The following PPFIA2 variants were observed in gnomAD, a reference collection of about 807,000 sequenced individuals.
PPFIA2 encodes the protein liprin-alpha-2.
In PPFIA2, 46 loss-of-function variants were observed where a neutral mutation model predicts 175.5. The observed-to-expected ratio is 0.26, with a 90% CI of 0.21 to 0.34. The LOEUF is 0.34. Among genes scored for constraint, PPFIA2 ranks in the 10% least tolerant of loss-of-function variants. The pLI, the probability that PPFIA2 is intolerant of heterozygous loss-of-function variation, is 1.00. For missense variants in PPFIA2, 1,179 were observed against 1,506.1 expected (o/e 0.78, Z 3.60); for synonymous variants, 568 against 511.4 (o/e 1.11, Z -1.49).
chr12:81,690,513 C>T (rs1218847785), intron 3 of PPFIA2, among the ~76,000 whole-genome samples: 1 of 152,066 alleles, frequency 6.6e-6, no homozygotes, highest in Non-Finnish European at 1.5e-5. Flanking sequence ...TCCCCCAACA[C>T]ACAGAGGTGA....
intron 28 of PPFIA2, among the ~76,000 whole-genome samples, chr12:81,273,498 T>C (rs1047596135): frequency 3.9e-5 from 6 of 152,218 alleles, no homozygotes; most frequent in Non-Finnish European, 8.8e-5. Flanking sequence ...TATTGATTTA[T>C]CTATCCTTTC....
At chr12:81,555,652 T>C (rs1206767483) in intron 4 of PPFIA2, among the ~76,000 whole-genome samples, 1 of 151,952 alleles carries the variant, frequency 6.6e-6, no homozygotes, top group Non-Finnish European at 1.5e-5. Flanking sequence ...CACAAAAAAT[T>C]ACAATTTCTT....
chr12:81,376,734 G>A (rs1449236804), intron 9 of PPFIA2, among the ~76,000 whole-genome samples: 1 of 152,158 alleles, frequency 6.6e-6, no homozygotes, highest in African/African-American at 2.4e-5. Flanking sequence ...AAGTGCAGAA[G>A]TGAGGCTCAT....
intron 5 of PPFIA2, among the ~76,000 whole-genome samples, chr12:81,450,836 A>G (rs985768652): frequency 6.6e-6 from 1 of 152,196 alleles, no homozygotes; most frequent in Non-Finnish European, 1.5e-5. Flanking sequence ...GAAGGGATCC[A>G]GTTTCAGCTT....
At chr12:81,455,300 C>A (rs1411782786) in intron 5 of PPFIA2, among the ~76,000 whole-genome samples, 2 of 152,090 alleles carry the variant, frequency 1.3e-5, no homozygotes, top group African/African-American at 2.4e-5. Flanking sequence ...GGTTATGTAA[C>A]TTAAGGAGTT....
At chr12:81,728,622 T>C (rs938150271) in intron 3 of PPFIA2, among the ~76,000 whole-genome samples, 11 of 151,470 alleles carry the variant, frequency 7.3e-5, no homozygotes, top group Admixed American at 6.6e-5. Flanking sequence ...GTATTTCCTA[T>C]AGATTACAAT....
At chr12:81,496,862 A>G (rs2060080783) in intron 4 of PPFIA2, among the ~76,000 whole-genome samples, 3 of 152,210 alleles carry the variant, frequency 2.0e-5, no homozygotes, top group African/African-American at 7.2e-5. Context: ...AGGCATAAAA[A>G]TAAATCTGAG....
In PPFIA2 at chr12:81,358,176, C is replaced by T. The variant is rs759264134; in HGVS notation, c.1679G>A (p.Gly560Glu). ...DTSAELRYSV[G>E]SLVDSQSDYR... is the part of the protein sequence containing the mutation. Reference sequence around the variant, plus strand: ...ATCAGACTGGCTGTCCACTAGGGATCCCACTGAGTACCGCAACTCAGCTGA... The same window carrying T: ...ATCAGACTGGCTGTCCACTAGGGATTCCACTGAGTACCGCAACTCAGCTGA... The change falls in exon 16 of 33, where the codon GGA (glycine) becomes GAA (glutamate). Residue 560 changes from glycine (G) to glutamate (E), a missense_variant. Physicochemically the swap from Gly to Glu is moderately conservative, Grantham distance 98 (BLOSUM62 -2). Coordinates refer to ENST00000549396, the MANE Select transcript of PPFIA2 (RefSeq NM_003625.5). 1.3e-6 allele frequency: 2 copies of T among 1,595,044 alleles called. No homozygotes were observed. Among genetic ancestry groups the T allele is most frequent in the Admixed American group, 1.7e-5 (1 of 57,834 alleles).
chr12:81,456,906 G>A (rs546526339), intron 5 of PPFIA2, among the ~76,000 whole-genome samples: 25 of 151,924 alleles, frequency 1.6e-4, no homozygotes, highest in African/African-American at 5.5e-4. Context: ...CATTCCCTTG[G>A]AAATTTATTA....
intron 30 of PPFIA2, among the ~76,000 whole-genome samples, chr12:81,264,249 A>T (rs1254593229): frequency 1.3e-5 from 2 of 152,200 alleles, no homozygotes; most frequent in East Asian, 3.9e-4. Flanking sequence ...TTACATTTTA[A>T]TTCTGGTTGC....
chr12:81,440,551 T>A (rs2145013159), intron 6 of PPFIA2, among the ~76,000 whole-genome samples: 1 of 152,248 alleles, frequency 6.6e-6, no homozygotes, highest in East Asian at 1.9e-4. Context: ...TTCGCTTCTC[T>A]GTTTTTTATT....
intron 4 of PPFIA2, among the ~76,000 whole-genome samples, chr12:81,503,974 G>T (rs2060865709): frequency 6.6e-6 from 1 of 151,834 alleles, no homozygotes; most frequent in Non-Finnish European, 1.5e-5. Context: ...AATTTAATTT[G>T]AGCAAAACAA....
chr12:81,518,665 T>A (rs2062753366), intron 4 of PPFIA2, among the ~76,000 whole-genome samples: 1 of 152,154 alleles, frequency 6.6e-6, no homozygotes, highest in Admixed American at 6.6e-5. Flanking sequence ...TCCACAGAAC[T>A]CCCTACAAAC....
At chr12:81,533,867 G>T (rs953025533) in intron 4 of PPFIA2, among the ~76,000 whole-genome samples, 2 of 150,858 alleles carry the variant, frequency 1.3e-5, no homozygotes, top group Non-Finnish European at 3.0e-5. Flanking sequence ...TAGTAAATTT[G>T]CACAATAATA....
At chr12:81,679,218 T>C (rs2073140165) in intron 3 of PPFIA2, among the ~76,000 whole-genome samples, 1 of 151,918 alleles carries the variant, frequency 6.6e-6, no homozygotes, top group African/African-American at 2.4e-5. Flanking sequence ...TATTCTGCTA[T>C]GACCATACTG....
intron 22 of PPFIA2, among the ~76,000 whole-genome samples, chr12:81,300,732 A>T (rs553473747): frequency 1.3e-5 from 2 of 152,260 alleles, no homozygotes; most frequent in East Asian, 3.9e-4. Context: ...ATCATCCTCC[A>T]TTCCCTCAGG....
intron 7 of PPFIA2, among the ~76,000 whole-genome samples, chr12:81,427,021 G>A (rs985325607): frequency 2.6e-4 from 39 of 151,910 alleles, no homozygotes; most frequent in Middle Eastern, 3.2e-3. Flanking sequence ...ATTTTTAAAG[G>A]TAGTTTAATT....
intron 3 of PPFIA2, among the ~76,000 whole-genome samples, chr12:81,685,722 CAG>C (rs2074341837): frequency 6.6e-6 from 1 of 151,970 alleles, no homozygotes; most frequent in Non-Finnish European, 1.5e-5. Context: ...TTATAACAGA[CAG>C]GGGTTGTGGT....
At chr12:81,628,374 AC>A (rs2062968808) in intron 4 of PPFIA2, among the ~76,000 whole-genome samples, 2 of 113,198 alleles carry the variant, frequency 1.8e-5, no homozygotes, top group Non-Finnish European at 3.8e-5. Flanking sequence ...ACTTTCTTTT[AC>A]CTTTTTTTTT....
Sources: gnomAD v4.1 joint callset for allele counts (sites outside exome capture counted in the v4.1 genomes callset) on GRCh38, gnomAD v4.1.1 for gene constraint, MANE v1.5 for transcripts, NCBI Gene and HGNC (gene_info 2026-07-23, HGNC 2026-07-21) for gene names.